Variants in GPC6 observed in about 807,000 individuals in gnomAD.
The protein encoded by GPC6 is glypican-6.
In GPC6, 14 loss-of-function variants were observed where a neutral mutation model predicts 55.2. That is an observed-to-expected ratio of 0.25 (90% confidence interval 0.17 to 0.40). GPC6 has a LOEUF of 0.40. GPC6 is among the 10% of genes least tolerant of loss of function. The pLI is 1.00. For synonymous variants in GPC6, 278 were observed against 259.6 expected (o/e 1.07, Z -0.68); for missense variants, 641 against 708.5 (o/e 0.90, Z 1.08).
chr13:93,418,125 AT>A lies in GPC6; in HGVS notation c.161-127130del, dbSNP rs1026197171. Among the ~76,000 whole-genome samples, 8 of 151,688 alleles carry A rather than the reference AT, an allele frequency of 5.3e-5. No individual in the cohort carries two copies. In the South Asian group the frequency reaches 6.2e-4, roughly 12 times the overall value. ...TTAATTTTTAATTTTAGTATTTAAA[AT>A]TTTTTTTAACTTTTAATTTTTGTGT... On this transcript the variant is annotated intron_variant, in intron 1 of 8. Coordinates refer to ENST00000377047, the MANE Select transcript of GPC6 (RefSeq NM_005708.5).
intron 1 of GPC6, among the ~76,000 whole-genome samples, chr13:93,324,777 G>A (rs1879592959): frequency 6.6e-6 from 1 of 151,802 alleles, no homozygotes; most frequent in Admixed American, 6.6e-5. Flanking sequence ...TATATTCTAA[G>A]GCACATGGAA....
At chr13:94,229,790 G>A (rs1890666864) in intron 4 of GPC6, among the ~76,000 whole-genome samples, 1 of 152,204 alleles carries the variant, frequency 6.6e-6, no homozygotes, top group African/African-American at 2.4e-5. Flanking sequence ...GAATAAAAAA[G>A]ATGACAGTAA....
chr13:93,929,028 A>T (rs1468644401), intron 3 of GPC6, among the ~76,000 whole-genome samples: 1 of 152,192 alleles, frequency 6.6e-6, no homozygotes, highest in Non-Finnish European at 1.5e-5. Flanking sequence ...TTCACAAGGG[A>T]GAAAACACTG....
intron 4 of GPC6, among the ~76,000 whole-genome samples, chr13:94,170,999 C>G (rs549600586): frequency 6.6e-6 from 1 of 152,152 alleles, no homozygotes. Flanking sequence ...TCTTTAGTTG[C>G]TTATTTGTGT....
At chr13:93,318,438 A>G (rs1274939147) in intron 1 of GPC6, among the ~76,000 whole-genome samples, 1 of 152,164 alleles carries the variant, frequency 6.6e-6, no homozygotes, top group Non-Finnish European at 1.5e-5. Flanking sequence ...GTTTTCTAAC[A>G]TAGAAAAAAG....
intron 4 of GPC6, among the ~76,000 whole-genome samples, chr13:94,229,591 T>TTAGGG (rs1456362842): frequency 6.6e-6 from 1 of 152,108 alleles, no homozygotes; most frequent in East Asian, 1.9e-4. Flanking sequence ...GTGCAAGTAT[T>TTAGGG]TAGGGTAGGG....
At chr13:93,423,945 G>A (rs868133548) in intron 1 of GPC6, among the ~76,000 whole-genome samples, 1 of 152,094 alleles carries the variant, frequency 6.6e-6, no homozygotes, top group Non-Finnish European at 1.5e-5. Context: ...TTGAGAAAAA[G>A]TACAACTTCC....
chr13:93,593,275 G>C (rs985507794), intron 2 of GPC6, among the ~76,000 whole-genome samples: 6 of 152,052 alleles, frequency 3.9e-5, no homozygotes, highest in Non-Finnish European at 5.9e-5. Context: ...TACGAAAATG[G>C]AAGCTAATCT....
chr13:94,311,218 CT>C (rs34239151), intron 6 of GPC6, among the ~76,000 whole-genome samples: 4,433 of 145,034 alleles, frequency 0.031, 148 homozygotes, highest in African/African-American at 0.086. Flanking sequence ...GCTAATAACA[CT>C]TTTTTTTTTT....
chr13:93,333,531 A>ATTTT lies in GPC6; in HGVS notation c.160+105931_160+105934dup, dbSNP rs35057548. 5.7e-4 allele frequency among the ~76,000 whole-genome samples: 74 copies of ATTTT among 130,598 alleles called. 1 individual carries two copies. Among genetic ancestry groups the ATTTT allele is most frequent in the African/African-American group, 1.5e-3 (51 of 34,726 alleles). 85.7% of individuals were successfully genotyped at this position (130,598 alleles called of 152,430 possible). On this transcript the variant is annotated intron_variant, in intron 1 of 8. Coordinates refer to ENST00000377047, the MANE Select transcript of GPC6 (RefSeq NM_005708.5). Reference sequence around the variant, plus strand: ...TGTTGGCATATAAAAATGCTATTGAATTTTTTTTTTTTTTTTTTTGAGACA... The same window carrying ATTTT: ...TGTTGGCATATAAAAATGCTATTGAATTTTTTTTTTTTTTTTTTTTTTTGAGACA...
chr13:93,602,923 CT>C (rs1865145180), intron 2 of GPC6, among the ~76,000 whole-genome samples: 1 of 152,184 alleles, frequency 6.6e-6, no homozygotes, highest in Non-Finnish European at 1.5e-5. Context: ...ACATTTAACT[CT>C]TTGTTGGTAA....
intron 4 of GPC6, among the ~76,000 whole-genome samples, chr13:94,088,559 G>C (rs1885367967): frequency 8.4e-6 from 1 of 118,476 alleles, no homozygotes; most frequent in Non-Finnish European, 1.9e-5. Context: ...GGGAAGGGAA[G>C]GGCAGGGGAG....
chr13:93,590,041 A>G (rs1274952764), intron 2 of GPC6, among the ~76,000 whole-genome samples: 1 of 152,196 alleles, frequency 6.6e-6, no homozygotes, highest in Admixed American at 6.5e-5. Context: ...AATCCTGACT[A>G]TTGAGCTGCC....
intron 2 of GPC6, among the ~76,000 whole-genome samples, chr13:93,664,629 T>TTGTA: frequency 6.6e-6 from 1 of 151,998 alleles, no homozygotes; most frequent in Admixed American, 6.6e-5. Context: ...GTTTGTTTGT[T>TTGTA]TGTTTTGAGA....
intron 1 of GPC6, among the ~76,000 whole-genome samples, chr13:93,353,265 G>T (rs1318229210): frequency 2.0e-5 from 3 of 152,208 alleles, no homozygotes; most frequent in Non-Finnish European, 1.5e-5. Flanking sequence ...TTTGAAAGCT[G>T]TGGGATTAGA....
intron 3 of GPC6, among the ~76,000 whole-genome samples, chr13:93,993,452 C>G (rs1268747711): frequency 2.6e-5 from 4 of 151,898 alleles, no homozygotes; most frequent in Non-Finnish European, 5.9e-5. Context: ...CACCACCACA[C>G]CCCGGTAATT....
chr13:93,448,557 T>C (rs574791575), intron 1 of GPC6, among the ~76,000 whole-genome samples: 4 of 152,188 alleles, frequency 2.6e-5, no homozygotes, highest in Non-Finnish European at 5.9e-5. Flanking sequence ...AAAATCACCA[T>C]GATCAAAAGC....
chr13:93,315,912 T>G (rs1037139042), intron 1 of GPC6, among the ~76,000 whole-genome samples: 3 of 152,060 alleles, frequency 2.0e-5, no homozygotes, highest in Admixed American at 1.3e-4. Context: ...GTCTGTTTTC[T>G]GATCCTCTAG....
At chr13:93,501,515 T>C (rs1880519599) in intron 1 of GPC6, among the ~76,000 whole-genome samples, 1 of 152,178 alleles carries the variant, frequency 6.6e-6, no homozygotes, top group Admixed American at 6.5e-5. Context: ...AGTAATAGTT[T>C]TTTGTTTTGT....
Sources: allele counts gnomAD v4.1 joint callset (sites outside exome capture counted in the v4.1 genomes callset), GRCh38; gene constraint gnomAD v4.1.1; transcripts MANE v1.5; gene names NCBI Gene and HGNC (gene_info 2026-07-23, HGNC 2026-07-21).